SHPRH: variants seen among roughly 807,000 people sequenced by gnomAD.
The protein encoded by SHPRH is SNF2 histone linker PHD RING helicase, also known as E3 ubiquitin-protein ligase SHPRH.
Under a neutral mutation model 202.5 loss-of-function variants are expected in SHPRH, and 106 were observed. That is an observed-to-expected ratio of 0.52 (90% CI 0.45 to 0.62). The LOEUF is 0.62. SHPRH is among the 20% of genes least tolerant of loss of function. The pLI, the probability that SHPRH is intolerant of heterozygous loss-of-function variation, is 0.00. For synonymous variants in SHPRH, 729 were observed against 686.0 expected (o/e 1.06, Z -0.98); for missense variants, 1,710 against 2,020.0 (o/e 0.85, Z 2.94).
At chr6:145,873,832 A>G (rs1780174006) in intron 2 of SHPRH, among the ~76,000 whole-genome samples, 1 of 152,158 alleles carries the variant, frequency 6.6e-6, no homozygotes, top group African/African-American at 2.4e-5. Context: ...GGTCCTCTTG[A>G]GACAGGTGAA....
chr6:145,865,335 C>T (rs1779728831), intron 2 of SHPRH, among the ~76,000 whole-genome samples: 1 of 152,190 alleles, frequency 6.6e-6, no homozygotes, highest in Non-Finnish European at 1.5e-5. Context: ...TTCACTTTCT[C>T]TTTCCCATGT....
At chr6:145,940,657 A>G in intron 11 of SHPRH, 66 bp downstream of exon 11, 1 of 1,505,828 alleles carries the variant, frequency 6.6e-7, no homozygotes, top group Non-Finnish European at 9.2e-7. Flanking sequence ...AAGCATAACA[A>G]TACTTTTCTC....
At position 145,913,855 on chromosome 6, in the gene SHPRH, G is replaced by A. The variant is rs551634898; in HGVS notation, c.4255-306C>T. 1.1e-4 allele frequency among the ~76,000 whole-genome samples: 17 copies of A among 152,188 alleles called. No individual in the cohort carries two copies. In the South Asian group the frequency reaches 3.5e-3, roughly 32 times the overall value. On this transcript the variant is annotated intron_variant, in intron 23 of 29. Transcript: ENST00000275233. ...ATCCAAACTTTTTGAGTGCTGACAT[G>A]ACAATCAAGGTAAATGTTCACTGGA...
intron 14 of SHPRH, among the ~76,000 whole-genome samples, chr6:145,932,719 A>G (rs1442268995): frequency 1.3e-5 from 2 of 152,160 alleles, no homozygotes; most frequent in Non-Finnish European, 2.9e-5. Flanking sequence ...CCATTTTTCT[A>G]TTTCTAATCA....
chr6:145,882,417 G>C (rs1049401500), downstream of SHPRH, among the ~76,000 whole-genome samples: 3 of 152,142 alleles, frequency 2.0e-5, no homozygotes, highest in African/African-American at 7.2e-5. Context: ...TTACGGACTT[G>C]AGAAGTGAAA....
At chr6:145,881,826 G>T (rs1199850694), downstream of SHPRH, among the ~76,000 whole-genome samples, 3 of 152,158 alleles carry the variant, frequency 2.0e-5, no homozygotes, top group Non-Finnish European at 2.9e-5. Context: ...AAAAAAGAGA[G>T]AATTAAAAGG....
intron 17 of SHPRH, among the ~76,000 whole-genome samples, chr6:145,924,233 TAATG>T (rs879776030): frequency 1.1e-4 from 16 of 151,906 alleles, no homozygotes; most frequent in African/African-American, 3.1e-4. Context: ...GAATACTAAA[TAATG>T]AATGAATTAG....
At chr6:145,889,249 C>T (rs1407043448) in intron 28 of SHPRH, among the ~76,000 whole-genome samples, 1 of 152,034 alleles carries the variant, frequency 6.6e-6, no homozygotes, top group African/African-American at 2.4e-5. Flanking sequence ...AACCCTCAGA[C>T]CACTGGCAAG....
chr6:145,918,408 T>TC (rs1478984356), intron 22 of SHPRH, 176 bp from the exon 23 acceptor site: 8 of 404,578 alleles, frequency 2.0e-5, no homozygotes, highest in Non-Finnish European at 2.5e-5. Context: ...ATGATTTTTT[T>TC]TTTTTTTTGC....
rs369628398 is a variant in SHPRH, at chr6:145,952,377, C to T, written c.735G>A (p.Met245Ile). The T allele has an allele frequency of 1.4e-4, 218 of 1,603,362 alleles. No individual in the cohort carries two copies. Among genetic ancestry groups the T allele is most frequent in the Non-Finnish European group, 1.8e-4 (210 of 1,174,850 alleles). The change falls in exon 3 of 30, where the codon ATG (methionine) becomes ATA (isoleucine). Residue 245 changes from methionine (M) to isoleucine (I), a missense_variant. Around this residue, in one of 8 missense-constraint regions of SHPRH, gnomAD observed 459 missense variants for 426.5 expected, o/e 1.08. Transcript: ENST00000275233. ...GAATAATAGAATTGTGTAACTTTTC[C>T]ATTACTTTCTTCATGAGCTGATTGA... is the stretch of plus-strand genomic sequence containing the variant. ...KKFNQLMKKV[M>I]EKLHNSIIPD...
chr6:145,946,328 T>G lies in SHPRH; in HGVS notation c.1226A>C (p.Asn409Thr). The change falls in exon 7 of 30, where the codon AAT becomes ACT. Residue 409 changes from asparagine (N) to threonine (T), a missense_variant. Physicochemically the swap from Asn to Thr is moderately conservative, Grantham distance 65. Coordinates refer to ENST00000275233, the MANE Select transcript of SHPRH (RefSeq NM_001042683.3). Reference sequence around the variant, plus strand: ...AAAATAATGTGACGGAATAAAATAATTCACCACTTTTCCCTGATACAAACA... The same window carrying G: ...AAAATAATGTGACGGAATAAAATAAGTCACCACTTTTCCCTGATACAAACA... ...ALTLPEGKVV[N>T]YFIPSHYFGG... 6.2e-7 allele frequency: 1 copy of G among 1,604,092 alleles called. No homozygotes were observed. The highest frequency in any genetic ancestry group is 1.1e-5 in the South Asian group (1 of 89,812).
intron 1 of SHPRH, among the ~76,000 whole-genome samples, chr6:145,958,977 C>A (rs546679819): frequency 3.3e-5 from 5 of 151,988 alleles, no homozygotes; most frequent in Non-Finnish European, 7.4e-5. Flanking sequence ...GGACTACAGG[C>A]GCCTGCCACT....
In SHPRH at chr6:145,910,480, T is replaced by C; in HGVS notation, c.4483A>G (p.Lys1495Glu). 1 of 1,613,260 alleles carries C rather than the reference T, an allele frequency of 6.2e-7. No homozygotes were observed. Among genetic ancestry groups the C allele is most frequent in the Non-Finnish European group, 8.5e-7 (1 of 1,179,534 alleles). ...KEISYVFTSEKANQEEDIPVK... is the reference protein window; with the variant it reads ...KEISYVFTSEEANQEEDIPVK... ...GGGATGTCCTCCTCCTGGTTTGCTTTCTCTGAGGTAAAGACATACGAGATT... is the reference window on the plus strand; with the variant it reads ...GGGATGTCCTCCTCCTGGTTTGCTTCCTCTGAGGTAAAGACATACGAGATT... The change falls in exon 25 of 30, where the codon AAA (lysine) becomes GAA (glutamate). Residue 1495 changes from lysine (K) to glutamate (E), a missense_variant. By Grantham distance (56) the Lys-to-Glu change is moderately conservative (BLOSUM62 1). Transcript: ENST00000275233.
chr6:145,958,270 T>A (rs1788711110), intron 1 of SHPRH, among the ~76,000 whole-genome samples: 1 of 152,206 alleles, frequency 6.6e-6, no homozygotes, highest in African/African-American at 2.4e-5. Flanking sequence ...TCAAATTATA[T>A]ACTTTAAATT....
chr6:145,873,598 A>G (rs963646770), intron 2 of SHPRH, among the ~76,000 whole-genome samples: 2 of 151,950 alleles, frequency 1.3e-5, no homozygotes, highest in African/African-American at 4.8e-5. Context: ...TCCTGCTATG[A>G]GAAGAAACCA....
chr6:145,902,571 T>C (rs920984224), intron 25 of SHPRH, among the ~76,000 whole-genome samples: 1 of 152,106 alleles, frequency 6.6e-6, no homozygotes, highest in African/African-American at 2.4e-5. Context: ...CAGAATGAGA[T>C]GACCTATTTT....
At chr6:145,941,547 T>C (rs1221227222) in intron 10 of SHPRH, 76 bp downstream of exon 10, 3 of 1,570,984 alleles carry the variant, frequency 1.9e-6, no homozygotes, top group Non-Finnish European at 2.6e-6. Context: ...GCTTAAACTA[T>C]TAAACTACTC....
intron 25 of SHPRH, among the ~76,000 whole-genome samples, chr6:145,902,678 T>C (rs1782605138): frequency 6.6e-6 from 1 of 152,016 alleles, no homozygotes. Flanking sequence ...AAAATCTGAG[T>C]ATTGGTGTAG....
At chr6:145,940,195 A>C (rs1786599296) in intron 11 of SHPRH, among the ~76,000 whole-genome samples, 2 of 152,134 alleles carry the variant, frequency 1.3e-5, no homozygotes, top group South Asian at 4.1e-4. Flanking sequence ...GAATGGTAGA[A>C]ACAATAACGG....
Sources: allele counts gnomAD v4.1 joint callset (sites outside exome capture counted in the v4.1 genomes callset), GRCh38; gene constraint gnomAD v4.1.1; regional missense constraint gnomAD v4.1.1; transcripts MANE v1.5; gene names NCBI Gene and HGNC (gene_info 2026-07-23, HGNC 2026-07-21).